The following EHBP1 variants were observed in gnomAD, a reference collection of about 807,000 sequenced individuals.
EHBP1 encodes EH domain binding protein 1.
EHBP1 carries 55 observed loss-of-function variants against 144.0 expected under a neutral mutation model. The observed-to-expected ratio is 0.38, with a 90% CI of 0.31 to 0.48. The LOEUF (loss-of-function observed/expected upper bound fraction) is 0.48. EHBP1 is among the 20% of genes least tolerant of loss of function. The pLI is 0.98. For missense variants in EHBP1, 1,200 were observed against 1,364.2 expected, an observed-to-expected ratio of 0.88 and a Z score of 1.90; for synonymous variants, 469 against 472.7, an observed-to-expected ratio of 0.99 and a Z score of 0.10.
chr2:62,874,831 G>C (rs1473024276), intron 10 of EHBP1, among the ~76,000 whole-genome samples: 28 of 152,106 alleles, frequency 1.8e-4, no homozygotes, highest in Non-Finnish European at 5.9e-5. Context: ...TATAACTATA[G>C]GAGAGCTTCA....
chr2:62,993,724 C>CTATATATAGTATA (rs1163288234), intron 17 of EHBP1, 56 bp downstream of exon 17: 208 of 919,212 alleles, frequency 2.3e-4, no homozygotes, highest in Admixed American at 3.5e-4. Context: ...ATATAGATAT[C>CTATATATAGTATA]TATATATAGT....
intron 1 of EHBP1, among the ~76,000 whole-genome samples, chr2:62,689,054 T>C (rs1572868213): frequency 1.3e-5 from 2 of 152,346 alleles, no homozygotes; most frequent in East Asian, 3.9e-4. Flanking sequence ...TTTGAATCAT[T>C]TGAAGCCTGT....
Position 62,831,121 on chromosome 2 carries a change from C to T in EHBP1, c.597C>T (p.Asn199=), listed in dbSNP as rs748632795. 18 of 1,603,150 alleles carry T rather than the reference C, an allele frequency of 1.1e-5. No individual in the cohort carries two copies. The highest frequency in any genetic ancestry group is 1.8e-5 in the Admixed American group (1 of 56,780). ...AAGATAATGAAGATGATGATGAGAA[C>T]AGAGTGAACCAAGAAGAAAAGGCAG... The part of the protein sequence containing the change: ...FEEDNEDDDE[N]RVNQEEKAAK... The change falls in exon 7 of 23, where the codon AAC becomes AAT. Residue 199 remains asparagine (N), a synonymous_variant. Coordinates refer to ENST00000431489, the MANE Select transcript of EHBP1 (RefSeq NM_001142616.3).
chr2:62,949,744 G>C (rs1335087322), intron 13 of EHBP1, among the ~76,000 whole-genome samples: 3 of 152,046 alleles, frequency 2.0e-5, no homozygotes, highest in Non-Finnish European at 4.4e-5. Flanking sequence ...AAAAATCCCT[G>C]CAGCATCCAA....
At position 62,864,859 on chromosome 2, in the gene EHBP1, A is replaced by G. The variant is rs761034445; in HGVS notation, c.886A>G (p.Thr296Ala). ...NPFDEPEAFV[T>A]IKDSPPQSTK... is the part of the protein sequence containing the mutation. ...ATTCGATGAGCCAGAAGCATTTGTGACCATAAAGGATTCTCCTCCCCAGTC... is the reference window on the plus strand; with the variant it reads ...ATTCGATGAGCCAGAAGCATTTGTGGCCATAAAGGATTCTCCTCCCCAGTC... Residue 296 changes from threonine (T) to alanine (A), a missense_variant, in exon 9 of 23, where the codon ACC becomes GCC. Physicochemically the swap from Thr to Ala is moderately conservative, Grantham distance 58. Around this residue, in one of 6 missense-constraint regions of EHBP1, gnomAD observed 266 missense variants for 262.4 expected, o/e 1.01. Coordinates refer to ENST00000431489, the MANE Select transcript of EHBP1 (RefSeq NM_001142616.3). 2 of 1,614,098 alleles carry G rather than the reference A, an allele frequency of 1.2e-6. No individual in the cohort carries two copies. The highest frequency in any genetic ancestry group is 2.2e-5 in the South Asian group (2 of 91,076).
intron 19 of EHBP1, among the ~76,000 whole-genome samples, chr2:63,012,031 T>A (rs753014921): frequency 2.8e-4 from 42 of 152,056 alleles, no homozygotes; most frequent in Non-Finnish European, 4.0e-4. Context: ...ATAGTAGGTC[T>A]GTAGTTTTGT....
intron 1 of EHBP1, among the ~76,000 whole-genome samples, chr2:62,682,842 C>G (rs1416052758): frequency 6.6e-6 from 1 of 152,132 alleles, no homozygotes; most frequent in African/African-American, 2.4e-5. Flanking sequence ...TAACAGTAAG[C>G]CCACTGCACC....
intron 7 of EHBP1, among the ~76,000 whole-genome samples, chr2:62,845,662 G>A (rs770912601): frequency 3.3e-5 from 5 of 150,308 alleles, no homozygotes; most frequent in Admixed American, 6.7e-5. Context: ...TAGGCATCTC[G>A]TGAACAAAAT....
At chr2:62,911,373 ATTTG>A (rs1435887567) in intron 10 of EHBP1, among the ~76,000 whole-genome samples, 1 of 152,052 alleles carries the variant, frequency 6.6e-6, no homozygotes, top group Non-Finnish European at 1.5e-5. Flanking sequence ...GTTGTTACTT[ATTTG>A]TTTTAGATTC....
At chr2:62,877,901 G>A (rs7585883) in intron 10 of EHBP1, among the ~76,000 whole-genome samples, 8 of 152,056 alleles carry the variant, frequency 5.3e-5, no homozygotes, top group Admixed American at 1.3e-4. Flanking sequence ...AATTAACAAC[G>A]TTATACCACA....
chr2:62,744,254 T>C (rs992235684), intron 2 of EHBP1, among the ~76,000 whole-genome samples: 3 of 152,154 alleles, frequency 2.0e-5, no homozygotes, highest in African/African-American at 7.2e-5. Flanking sequence ...TATGTAGTTG[T>C]TGAATTCTCT....
chr2:62,806,011 ACT>A (rs1474520014), intron 5 of EHBP1, among the ~76,000 whole-genome samples: 1 of 149,938 alleles, frequency 6.7e-6, no homozygotes, highest in Admixed American at 6.6e-5. Flanking sequence ...TCAGGGTCTC[ACT>A]CTGTCATTTA....
At chr2:62,879,546 A>AACACACACACACAC (rs70962798) in intron 10 of EHBP1, among the ~76,000 whole-genome samples, 2,017 of 133,694 alleles carry the variant, frequency 0.015, 24 homozygotes, top group Non-Finnish European at 0.022. Flanking sequence ...TATTCACAAT[A>AACACACACACACAC]ACACACACAC....
At chr2:62,804,887 G>A (rs76273131) in intron 5 of EHBP1, among the ~76,000 whole-genome samples, 1 of 152,132 alleles carries the variant, frequency 6.6e-6, no homozygotes, top group Non-Finnish European at 1.5e-5. Flanking sequence ...TAGGTTGCAC[G>A]CTCCTTATGA....
intron 14 of EHBP1, among the ~76,000 whole-genome samples, chr2:62,958,807 A>G (rs1177657809): frequency 6.6e-6 from 1 of 152,238 alleles, no homozygotes; most frequent in Non-Finnish European, 1.5e-5. Flanking sequence ...GCAGAAAACT[A>G]AAACATTCTG....
intron 2 of EHBP1, among the ~76,000 whole-genome samples, chr2:62,726,223 A>G (rs1558556265): frequency 6.6e-6 from 1 of 152,128 alleles, no homozygotes; most frequent in South Asian, 2.1e-4. Context: ...CCACTTCTCT[A>G]AGCAGCTCTC....
At chr2:62,886,221 A>C (rs1259598393) in intron 10 of EHBP1, among the ~76,000 whole-genome samples, 1 of 152,222 alleles carries the variant, frequency 6.6e-6, no homozygotes, top group Non-Finnish European at 1.5e-5. Flanking sequence ...TTCCTGCTGA[A>C]AAACAGTAAA....
At chr2:62,982,052 A>C (rs1473547737) in intron 15 of EHBP1, among the ~76,000 whole-genome samples, 4 of 152,222 alleles carry the variant, frequency 2.6e-5, no homozygotes, top group Admixed American at 6.5e-5. Context: ...GCCTGTCTTC[A>C]TAAAGGGATA....
At chr2:62,912,728 A>G in intron 10 of EHBP1, among the ~76,000 whole-genome samples, 1 of 152,184 alleles carries the variant, frequency 6.6e-6, no homozygotes, top group African/African-American at 2.4e-5. Context: ...TGAGTTTATT[A>G]TTCATCTGCT....
Sources: gnomAD v4.1 joint callset for allele counts (sites outside exome capture counted in the v4.1 genomes callset) on GRCh38, gnomAD v4.1.1 for gene constraint, gnomAD v4.1.1 regional missense constraint, MANE v1.5 for transcripts, NCBI Gene and HGNC (gene_info 2026-07-23, HGNC 2026-07-21) for gene names.